Variants in CEMIP2 observed in about 807,000 individuals in gnomAD.
The protein encoded by CEMIP2 is cell migration inducing hyaluronidase 2, also known as cell surface hyaluronidase CEMIP2.
A neutral mutation model predicts 146.9 loss-of-function variants in CEMIP2; 79 were observed. That is an observed-to-expected ratio of 0.54 (90% CI 0.45 to 0.65). CEMIP2 has a LOEUF of 0.65. Among genes scored for constraint, CEMIP2 ranks in the 30% least tolerant of loss-of-function variants. CEMIP2 has a pLI of 0.00. For synonymous variants in CEMIP2, 601 were observed against 606.3 expected, an observed-to-expected ratio of 0.99 and a Z score of 0.13; for missense variants, 1,596 against 1,696.2, an observed-to-expected ratio of 0.94 and a Z score of 1.04.
intron 8 of CEMIP2, 115 bp from the exon 9 acceptor site, chr9:71,730,368 TAGC>T (rs1419863138): frequency 3.9e-6 from 4 of 1,037,498 alleles, no homozygotes; most frequent in East Asian, 2.6e-5. Flanking sequence ...GTTTGAACCT[TAGC>T]AGAATGGGCA....
chr9:71,686,673 G>A (rs1822071132), intron 22 of CEMIP2: 1 of 152,028 alleles, frequency 6.6e-6, no homozygotes, highest in Non-Finnish European at 1.5e-5. Flanking sequence ...TTTATAATTT[G>A]TATAAATTTG....
chr9:71,687,865 G>GT (rs1012710128), intron 22 of CEMIP2, among the ~76,000 whole-genome samples: 2 of 152,004 alleles, frequency 1.3e-5, no homozygotes, highest in African/African-American at 4.8e-5. Flanking sequence ...GTTTTCTTTT[G>GT]TTTTTTTAGA....
Position 71,685,046 on chromosome 9 carries a change from A to C in CEMIP2, c.*151T>G. ...TAGAAGGTGCATGAAGCTGGTATCCAAGCAATAATTTCAAACGCTTTCTTT... is the reference window on the plus strand; with the variant it reads ...TAGAAGGTGCATGAAGCTGGTATCCCAGCAATAATTTCAAACGCTTTCTTT... On this transcript the variant is annotated 3_prime_UTR_variant, in exon 24 of 24. Coordinates refer to ENST00000377044, the MANE Select transcript of CEMIP2 (RefSeq NM_013390.3). 1 of 680,800 alleles carries C rather than the reference A, an allele frequency of 1.5e-6. No homozygotes were observed. Among genetic ancestry groups the C allele is most frequent in the Non-Finnish European group, 2.3e-6 (1 of 430,390 alleles). The allele number at this position is 680,800 out of a possible 1,614,324, so 42.2% of individuals were successfully genotyped here. A position where few individuals can be genotyped will look rare whatever the true frequency, so the allele number is the denominator to read the frequency against.
At chr9:71,749,064 T>C (rs11142990) in intron 2 of CEMIP2, among the ~76,000 whole-genome samples, 1,673 of 152,348 alleles carry the variant, frequency 0.011, 31 homozygotes, top group African/African-American at 0.036. Context: ...GGCAATTCTT[T>C]GTTGGTATTC....
chr9:71,756,257 T>TATATATAG (rs56233516), intron 1 of CEMIP2, among the ~76,000 whole-genome samples: 1 of 144,864 alleles, frequency 6.9e-6, no homozygotes, highest in African/African-American at 2.5e-5. Context: ...TATATATATA[T>TATATATAG]GTATATATAC....
rs1554684783 is a variant in CEMIP2, at chr9:71,728,295, A to ATGTG, written c.2049+1549_2049+1550insCACA. Among the ~76,000 whole-genome samples, 11 of 43,236 alleles carry ATGTG rather than the reference A, an allele frequency of 2.5e-4. 2 individuals carry two copies. Among genetic ancestry groups the ATGTG allele is most frequent in the African/African-American group, 9.7e-4 (11 of 11,350 alleles). The allele number at this position is 43,236 out of a possible 152,430, so 28.4% of individuals were successfully genotyped here. A position where few individuals can be genotyped will look rare whatever the true frequency, so the allele number is the denominator to read the frequency against. On this transcript the variant is annotated intron_variant, in intron 10 of 23. Transcript: ENST00000377044. The stretch of plus-strand genomic sequence containing the variant: ...TATATATATATGTATATATATATAT[A>ATGTG]TATATACATATATATATATATACGT...
chr9:71,689,955 A>T, intron 22 of CEMIP2, 137 bp downstream of exon 22: 2 of 1,020,910 alleles, frequency 2.0e-6, no homozygotes, highest in Non-Finnish European at 2.9e-6. Flanking sequence ...AATCTGAGGT[A>T]GGAGAGGAAT....
chr9:71,761,009 C>G (rs1486331239), intron 1 of CEMIP2, among the ~76,000 whole-genome samples: 1 of 152,162 alleles, frequency 6.6e-6, no homozygotes, highest in Non-Finnish European at 1.5e-5. Context: ...CCCCTTCGCC[C>G]TTGTTCTCAA....
In CEMIP2 at chr9:71,728,237, ATATATATATATATGTATATACACG is replaced by A. The variant is rs1823460177; in HGVS notation, c.2049+1584_2049+1607del. 1.9e-4 allele frequency among the ~76,000 whole-genome samples: 7 copies of A among 35,950 alleles called. 1 individual carries two copies. Among genetic ancestry groups the A allele is most frequent in the South Asian group, 1.1e-3 (1 of 940 alleles). 23.6% of individuals were successfully genotyped at this position (35,950 alleles called of 152,430 possible). A position where few individuals can be genotyped will look rare whatever the true frequency, so the allele number is the denominator to read the frequency against. ...TCTCTCTCTCTCTCTCTCTCTATAT[ATATATATATATATGTATATACACG>A]TATATATATATATATATATGTATAT... On this transcript the variant is annotated intron_variant, in intron 10 of 23. Transcript: ENST00000377044.
At chr9:71,696,055 TA>T (rs1461929284) in intron 20 of CEMIP2, among the ~76,000 whole-genome samples, 1 of 152,186 alleles carries the variant, frequency 6.6e-6, no homozygotes, top group Non-Finnish European at 1.5e-5. Flanking sequence ...CAATACATTT[TA>T]AAAAAATGAA....
At chr9:71,752,702 T>G (rs901140625) in intron 1 of CEMIP2, among the ~76,000 whole-genome samples, 5 of 151,922 alleles carry the variant, frequency 3.3e-5, no homozygotes, top group African/African-American at 1.2e-4. Flanking sequence ...TGAATAAGAT[T>G]CTAGTCATAA....
In CEMIP2 at chr9:71,725,673, T is replaced by C; in HGVS notation, c.2086A>G (p.Thr696Ala). The C allele has an allele frequency of 6.2e-7, 1 of 1,614,012 alleles. No individual in the cohort carries two copies. Among genetic ancestry groups the C allele is most frequent in the East Asian group, 2.2e-5 (1 of 44,862 alleles). ...GIWYLFHKEP[T>A]GESSGLQLLA... ...AGCTGCAATCCACTGGATTCCCCAG[T>C]TGGTTCCTTGTGGAATAAATACCAT... Residue 696 changes from threonine to alanine, a missense_variant, in exon 11 of 24, where the codon ACT (threonine) becomes GCT (alanine). Thr to Ala is a moderately conservative substitution (Grantham distance 58). Transcript: ENST00000377044.
intron 10 of CEMIP2, among the ~76,000 whole-genome samples, chr9:71,728,235 ATATATATATATATATGTATATACACG>A (rs1823459518): frequency 3.3e-5 from 1 of 30,256 alleles, no homozygotes; most frequent in African/African-American, 8.9e-5. Flanking sequence ...CTCTCTCTAT[ATATATATATATATATGTATATACACG>A]TATATATATA....
intron 18 of CEMIP2, chr9:71,704,286 C>A (rs1822662989): frequency 3.1e-6 from 1 of 323,758 alleles, no homozygotes; most frequent in Non-Finnish European, 5.8e-6. Context: ...ACTGGAAGAG[C>A]ATAGAAAACT....
chr9:71,726,824 G>C (rs966615369), intron 10 of CEMIP2, among the ~76,000 whole-genome samples: 1 of 152,164 alleles, frequency 6.6e-6, no homozygotes, highest in Admixed American at 6.6e-5. Flanking sequence ...AAGTTGACGG[G>C]ATAAGACCTG....
At chr9:71,737,648 A>G (rs1223529333) in intron 5 of CEMIP2, among the ~76,000 whole-genome samples, 2 of 152,144 alleles carry the variant, frequency 1.3e-5, no homozygotes. Flanking sequence ...TAAGACTATA[A>G]GCATGAGTCA....
intron 3 of CEMIP2, 125 bp downstream of exon 3, chr9:71,746,076 G>T: frequency 1.9e-6 from 2 of 1,067,054 alleles, no homozygotes; most frequent in Non-Finnish European, 2.7e-6. Flanking sequence ...AATCTCCATG[G>T]TTAGAGTGAC....
chr9:71,752,053 T>A (rs535102951), intron 1 of CEMIP2, among the ~76,000 whole-genome samples: 10 of 152,268 alleles, frequency 6.6e-5, no homozygotes, highest in Non-Finnish European at 1.2e-4. Flanking sequence ...AACAAATCTA[T>A]AAGGTAGATG....
At chr9:71,702,291 C>T (rs918756831) in intron 18 of CEMIP2, among the ~76,000 whole-genome samples, 2 of 147,838 alleles carry the variant, frequency 1.4e-5, no homozygotes, top group Non-Finnish European at 3.0e-5. Context: ...TATTGTTCAC[C>T]TAGGTTTTCA....
Sources: gnomAD v4.1 joint callset for allele counts (sites outside exome capture counted in the v4.1 genomes callset) on GRCh38, gnomAD v4.1.1 for gene constraint, MANE v1.5 for transcripts, NCBI Gene and HGNC (gene_info 2026-07-23, HGNC 2026-07-21) for gene names.